Variants in ZNF496 observed in about 807,000 individuals in gnomAD.
The protein encoded by ZNF496 is NSD1 (nuclear receptor binding SET-domain containing 1)-interacting zinc finger protein 1.
Under a neutral mutation model 58.9 loss-of-function variants are expected in ZNF496, and 11 were observed. The ratio of observed to expected loss-of-function variants is 0.19; its 90% CI spans 0.12 to 0.31. The LOEUF is 0.31. Among genes scored for constraint, ZNF496 ranks in the 10% least tolerant of loss-of-function variants. ZNF496 has a pLI of 1.00. For missense variants in ZNF496, 660 were observed against 783.0 expected (o/e 0.84, Z 1.88); for synonymous variants, 338 against 318.2 (o/e 1.06, Z -0.66).
chr1:247,326,061 C>T lies in ZNF496; in HGVS notation c.574+2622G>A, dbSNP rs372035524. Among the ~76,000 whole-genome samples the T allele has an allele frequency of 1.6e-4, 16 of 98,806 alleles. No individual in the cohort carries two copies. The East Asian group carries it at 3.9e-3, about 24-fold the overall frequency. 64.8% of individuals were successfully genotyped at this position (98,806 alleles called of 152,430 possible). On this transcript the variant is annotated intron_variant, in intron 5 of 9. Transcript: ENST00000682384. ...GCATATATATATATACACACACACA[C>T]ACATATATACACACACACACACATA...
chr1:247,323,895 G>A lies in ZNF496; in HGVS notation c.575-665C>T, dbSNP rs530372871. On this transcript the variant is annotated intron_variant, in intron 5 of 9. Coordinates refer to ENST00000682384, the MANE Select transcript of ZNF496 (RefSeq NM_032752.3). ...TTTGGGAAGCCAAAGTGGGAGGATT[G>A]CTTAAGCTCAGGAGTTCAAGACCAG... 2.6e-5 allele frequency among the ~76,000 whole-genome samples: 4 copies of A among 151,984 alleles called. 1 individual carries two copies. Among genetic ancestry groups the A allele is most frequent in the Middle Eastern group, 3.4e-3 (1 of 294 alleles).
At chr1:247,301,345 G>C in intron 9 of ZNF496, 69 bp from the exon 10 acceptor site, 1 of 1,471,778 alleles carries the variant, frequency 6.8e-7, no homozygotes, top group Non-Finnish European at 9.0e-7. Context: ...GACCGCGGCG[G>C]AGGAACACTC....
chr1:247,327,098 G>A (rs931542645), intron 5 of ZNF496, among the ~76,000 whole-genome samples: 2 of 151,920 alleles, frequency 1.3e-5, no homozygotes, highest in Non-Finnish European at 2.9e-5. Context: ...GAGTTTTACT[G>A]TTTTTACCCA....
At chr1:247,326,667 A>G (rs1660137714) in intron 5 of ZNF496, among the ~76,000 whole-genome samples, 1 of 152,102 alleles carries the variant, frequency 6.6e-6, no homozygotes, top group Admixed American at 6.6e-5. Context: ...GCCCTCTCAA[A>G]TTCCTATGTT....
intron 9 of ZNF496, among the ~76,000 whole-genome samples, chr1:247,301,609 T>G (rs757169057): frequency 1.1e-4 from 16 of 152,260 alleles, no homozygotes; most frequent in Middle Eastern, 6.8e-3. Context: ...TGTATTTATC[T>G]GGGTAAAGCC....
At chr1:247,327,848 T>C (rs1262251335) in intron 5 of ZNF496, among the ~76,000 whole-genome samples, 3 of 150,148 alleles carry the variant, frequency 2.0e-5, no homozygotes, top group Non-Finnish European at 3.0e-5. Flanking sequence ...CCACTGTACA[T>C]ATAAAGCACC....
Position 247,306,039 on chromosome 1 carries a change from C to T in ZNF496, c.1006+2436G>A, listed in dbSNP as rs146944031. Among the ~76,000 whole-genome samples, 366 of 152,276 alleles carry T rather than the reference C, an allele frequency of 2.4e-3. 3 individuals carry two copies. Among genetic ancestry groups the T allele is most frequent in the Non-Finnish European group, 1.4e-3 (94 of 68,026 alleles). On this transcript the variant is annotated intron_variant, in intron 9 of 9. Coordinates refer to ENST00000682384, the MANE Select transcript of ZNF496 (RefSeq NM_032752.3). ...AAGGGATTCAGACCCAAAACTACAA[C>T]GACACGTGGGTTCAGGTAAGAATCA...
intron 6 of ZNF496, among the ~76,000 whole-genome samples, chr1:247,316,575 G>A (rs1056545628): frequency 4.6e-5 from 7 of 152,086 alleles, no homozygotes; most frequent in African/African-American, 9.7e-5. Flanking sequence ...CCACCAGCAC[G>A]AACGCTCTCA....
chr1:247,328,686 G>C lies in ZNF496; in HGVS notation c.571C>G (p.Pro191Ala), dbSNP rs934046048. The change falls in exon 5 of 10, where the codon CCA (proline) becomes GCA (alanine). Residue 191 changes from proline (P) to alanine (A), a missense_variant. By Grantham distance (27) the Pro-to-Ala change is conservative (BLOSUM62 -1). Coordinates refer to ENST00000682384, the MANE Select transcript of ZNF496 (RefSeq NM_032752.3). ...SRPPSQLSGD[P>A]VLQDAFLLQE... is the part of the protein sequence containing the mutation. ...TACACTCCCCTGGGCTGCATACCTGGGTCCCCGCTGAGCTGGCTTGGTGGT... is the reference window on the plus strand; with the variant it reads ...TACACTCCCCTGGGCTGCATACCTGCGTCCCCGCTGAGCTGGCTTGGTGGT... 1.9e-6 allele frequency: 3 copies of C among 1,582,210 alleles called. No homozygotes were observed. Among genetic ancestry groups the C allele is most frequent in the Non-Finnish European group, 2.6e-6 (3 of 1,164,274 alleles).
intron 9 of ZNF496, among the ~76,000 whole-genome samples, chr1:247,303,065 T>C (rs550735627): frequency 6.6e-6 from 1 of 152,320 alleles, no homozygotes; most frequent in South Asian, 2.1e-4. Flanking sequence ...CCCTAACCCA[T>C]AGAGCCTCAG....
At chr1:247,318,639 A>G (rs532524840) in intron 6 of ZNF496, among the ~76,000 whole-genome samples, 7 of 152,030 alleles carry the variant, frequency 4.6e-5, no homozygotes, top group African/African-American at 1.7e-4. Flanking sequence ...CATCTGGTGA[A>G]AACATCCTTC....
At chr1:247,307,160 C>A in intron 9 of ZNF496, 2 of 985,438 alleles carry the variant, frequency 2.0e-6, no homozygotes, top group South Asian at 9.4e-5. Context: ...CCTGCGTGGG[C>A]ATGGATATAG....
rs138266774 is a variant in ZNF496, at chr1:247,301,271, C to T, written c.1012G>A (p.Gly338Ser). 1,173 of 1,509,800 alleles carry T rather than the reference C, an allele frequency of 7.8e-4. 28 individuals are homozygous for T. The East Asian group carries it at 0.021, about 27-fold the overall frequency. 93.5% of individuals were successfully genotyped at this position (1,509,800 alleles called of 1,614,324 possible). A position where few individuals can be genotyped will look rare whatever the true frequency, so the allele number is the denominator to read the frequency against. The change falls in exon 10 of 10, where the codon GGC becomes AGC. Residue 338 changes from glycine (G) to serine (S), a missense_variant. Gly to Ser is a moderately conservative substitution (Grantham distance 56). Transcript: ENST00000682384. ...CTGTTCTCTAGAGATCGCGGGTTGC[C>T]GCCAGCTACAGGAAGGCAACATGCA... ...VVPQNTYPAG[G>S]NPRSLENSLD...
chr1:247,329,608 A>G lies in ZNF496; in HGVS notation c.-30T>C. 1 of 1,521,820 alleles carries G rather than the reference A, an allele frequency of 6.6e-7. No homozygotes were observed. Among genetic ancestry groups the G allele is most frequent in the African/African-American group, 1.4e-5 (1 of 71,694 alleles). 94.3% of individuals were successfully genotyped at this position (1,521,820 alleles called of 1,614,324 possible). On this transcript the variant is annotated 5_prime_UTR_variant, in exon 4 of 10. Coordinates refer to ENST00000682384, the MANE Select transcript of ZNF496 (RefSeq NM_032752.3). The surrounding 1 kb of genome is among the most constrained non-coding windows in gnomAD (Gnocchi z 5.5). ...GGATTTGATGGGGGTCAGCAGCAGA[A>G]GACGACCCTATTTCCAAACAGAAAT...
chr1:247,309,707 G>C lies in ZNF496; in HGVS notation c.884C>G (p.Ser295Cys), dbSNP rs150670300. 13 of 1,614,040 alleles carry C rather than the reference G, an allele frequency of 8.1e-6. No individual in the cohort carries two copies. In the African/African-American group the frequency reaches 1.7e-4, roughly 22 times the overall value. Reference protein sequence around the residue: ...DLQGKEVPQVSYLDSPSLQPF... With the variant: ...DLQGKEVPQVCYLDSPSLQPF... ...CTGGAATCATTACTCACCCAAGTAG[G>C]AGACCTGGGGCACTTCTTTGCCCTG... Residue 295 changes from serine to cysteine, a missense_variant, in exon 8 of 10, where the codon TCC becomes TGC. Transcript: ENST00000682384. This position sits in a 1 kb window ranked among gnomAD's most constrained non-coding sequence, Gnocchi z 4.3.
At position 247,328,795 on chromosome 1, in the gene ZNF496, C is replaced by T; in HGVS notation, c.462G>A (p.Leu154=). The change falls in exon 5 of 10, where the codon CTG becomes CTA. Residue 154 remains leucine, a synonymous_variant. Coordinates refer to ENST00000682384, the MANE Select transcript of ZNF496 (RefSeq NM_032752.3). Reference sequence around the variant, plus strand: ...CAAGGTCGCTGTGGGGCTCTACCGGCAGCTGCTCCTGCTCCTGGTCCAGAG... The same window carrying T: ...CAAGGTCGCTGTGGGGCTCTACCGGTAGCTGCTCCTGCTCCTGGTCCAGAG... ...DSPLDQEQEQ[L]PVEPHSDLAK... is the part of the protein sequence containing the mutation. The T allele has an allele frequency of 6.2e-7, 1 of 1,613,762 alleles. No individual in the cohort carries two copies.
At position 247,298,509 on chromosome 1, in the gene ZNF496, C is replaced by G. The variant is rs997458475; in HGVS notation, c.*2010G>C. On this transcript the variant is annotated 3_prime_UTR_variant, in exon 10 of 10. Transcript: ENST00000682384. ...TAATTTTTTGCATTTTTGGTACAGA[C>G]GGGGTTTTGCCATGTGGCCCAGGCT... The G allele has an allele frequency of 6.6e-6, 1 of 152,584 alleles. No homozygotes were observed. The highest frequency in any genetic ancestry group is 2.4e-5 in the African/African-American group (1 of 41,456). The allele number at this position is 152,584 out of a possible 1,614,324, so 9.5% of individuals were successfully genotyped here.
intron 6 of ZNF496, among the ~76,000 whole-genome samples, chr1:247,319,952 T>G (rs899627362): frequency 2.6e-5 from 4 of 151,988 alleles, no homozygotes; most frequent in African/African-American, 9.7e-5. Context: ...ATATATACTA[T>G]CTAAAAGTAA....
intron 9 of ZNF496, among the ~76,000 whole-genome samples, chr1:247,304,592 G>A (rs12091197): frequency 6.6e-6 from 1 of 151,998 alleles, no homozygotes; most frequent in African/African-American, 2.4e-5. Context: ...GTGCAGTCTC[G>A]AACTACTGAC....
Sources: gnomAD v4.1 joint callset for allele counts (sites outside exome capture counted in the v4.1 genomes callset) on GRCh38, gnomAD v4.1.1 for gene constraint, Gnocchi (gnomAD v3.1) non-coding constraint, MANE v1.5 for transcripts, NCBI Gene and HGNC (gene_info 2026-07-23, HGNC 2026-07-21) for gene names.